Variants in UFL1 observed in about 807,000 individuals in gnomAD.
UFL1 encodes E3 UFM1-protein ligase 1.
Under a neutral mutation model 99.3 loss-of-function variants are expected in UFL1, and 78 were observed. The observed-to-expected ratio is 0.79, with a 90% CI of 0.65 to 0.95. The LOEUF (loss-of-function observed/expected upper bound fraction) is 0.95. UFL1 is among the 40% of genes least tolerant of loss of function. The pLI, the probability that UFL1 is intolerant of heterozygous loss-of-function variation, is 0.00. For synonymous variants in UFL1, 335 were observed against 322.2 expected, an observed-to-expected ratio of 1.04 and a Z score of -0.42; for missense variants, 936 against 937.0, an observed-to-expected ratio of 1.00 and a Z score of 0.01.
At chr6:96,522,081 C>A in intron 1 of UFL1, 131 bp downstream of exon 1, 1 of 1,077,046 alleles carries the variant, frequency 9.3e-7, no homozygotes, top group Non-Finnish European at 1.3e-6. Flanking sequence ...TCTCCTCCTC[C>A]CTCTGTCCCG....
At chr6:96,552,773 A>C in intron 18 of UFL1, 111 bp downstream of exon 18, 1 of 981,828 alleles carries the variant, frequency 1.0e-6, no homozygotes, top group Non-Finnish European at 1.4e-6. Context: ...ATTAACATCA[A>C]AGCCCATTTC....
intron 10 of UFL1, among the ~76,000 whole-genome samples, chr6:96,539,982 G>C (rs1480870794): frequency 1.3e-5 from 2 of 151,438 alleles, no homozygotes; most frequent in African/African-American, 4.8e-5. Context: ...CCATCAGAAA[G>C]AACCAGTATC....
At chr6:96,535,432 C>T (rs756711664) in intron 7 of UFL1, among the ~76,000 whole-genome samples, 3 of 151,934 alleles carry the variant, frequency 2.0e-5, no homozygotes, top group African/African-American at 4.8e-5. Flanking sequence ...CTATTAATGG[C>T]AGCACCTTCC....
At chr6:96,548,922 TAATATA>T (rs1235103878) in intron 13 of UFL1, among the ~76,000 whole-genome samples, 1 of 151,758 alleles carries the variant, frequency 6.6e-6, no homozygotes, top group Non-Finnish European at 1.5e-5. Context: ...ATAATTTTTT[TAATATA>T]AATATTTTTT....
intron 11 of UFL1, among the ~76,000 whole-genome samples, chr6:96,542,354 C>T (rs1769943038): frequency 6.6e-6 from 1 of 151,224 alleles, no homozygotes; most frequent in African/African-American, 2.4e-5. Flanking sequence ...ACATTAATGA[C>T]ACAATGATCC....
Position 96,549,741 on chromosome 6 carries a change from A to G in UFL1, c.1760A>G (p.Asn587Ser), listed in dbSNP as rs778090533. 12 of 1,612,030 alleles carry G rather than the reference A, an allele frequency of 7.4e-6. No homozygotes were observed. The Middle Eastern group carries it at 1.2e-3, about 155-fold the overall frequency. The stretch of plus-strand genomic sequence containing the variant: ...ACTGATATCACTAACCTCATTTTCA[A>G]CTTCTTAGCTTCGGATTTAATGATG... ...VCTDITNLIFNFLASDLMMAV... is the reference protein window; with the variant it reads ...VCTDITNLIFSFLASDLMMAV... The change falls in exon 15 of 19, where the codon AAC (asparagine) becomes AGC (serine). Residue 587 changes from asparagine to serine, a missense_variant. By Grantham distance (46) the Asn-to-Ser change is conservative. Coordinates refer to ENST00000369278, the MANE Select transcript of UFL1 (RefSeq NM_015323.5).
In UFL1 at chr6:96,526,524, C is replaced by A; in HGVS notation, c.465+89C>A. 4 of 992,240 alleles carry A rather than the reference C, an allele frequency of 4.0e-6. No individual in the cohort carries two copies. The East Asian group carries it at 7.6e-5, about 19-fold the overall frequency. 61.5% of individuals were successfully genotyped at this position (992,240 alleles called of 1,614,324 possible). The stretch of plus-strand genomic sequence containing the variant: ...ATGGAAGGGGGAAAAAAAAATGAGA[C>A]TTCCTCACCATCATTTGATTTATTG... On this transcript the variant is annotated intron_variant, in intron 5 of 18. Transcript: ENST00000369278.
rs759037996 is a variant in UFL1 at position 96,549,822 on chromosome 6, A to G, written c.1818+23A>G. On this transcript the variant is annotated intron_variant, in intron 15 of 18. Coordinates refer to ENST00000369278, the MANE Select transcript of UFL1 (RefSeq NM_015323.5). Reference sequence around the variant, plus strand: ...GAAGTATGTTAATGATCTCCCTACCACTATTGATGTGTTCTGTTTTGCATC... The same window carrying G: ...GAAGTATGTTAATGATCTCCCTACCGCTATTGATGTGTTCTGTTTTGCATC... 5 of 1,607,498 alleles carry G rather than the reference A, an allele frequency of 3.1e-6. No homozygotes were observed. The African/African-American group carries it at 4.0e-5, about 13-fold the overall frequency.
At chr6:96,537,937 A>G (rs1769876061) in intron 9 of UFL1, among the ~76,000 whole-genome samples, 1 of 151,878 alleles carries the variant, frequency 6.6e-6, no homozygotes, top group Non-Finnish European at 1.5e-5. Flanking sequence ...CTTGGCACGG[A>G]TAGTGTTTAC....
intron 4 of UFL1, 76 bp from the exon 5 acceptor site, chr6:96,526,245 A>T: frequency 7.9e-7 from 1 of 1,269,548 alleles, no homozygotes. Flanking sequence ...TTTCAACGGA[A>T]ATTAAACATA....
chr6:96,552,843 T>C (rs1770102070), intron 18 of UFL1, among the ~76,000 whole-genome samples, 181 bp downstream of exon 18: 2 of 152,040 alleles, frequency 1.3e-5, no homozygotes, highest in African/African-American at 4.8e-5. Context: ...AGCTCAAGAA[T>C]CTTTCAAGAA....
At chr6:96,544,866 T>C (rs1769979004) in intron 12 of UFL1, among the ~76,000 whole-genome samples, 1 of 151,006 alleles carries the variant, frequency 6.6e-6, no homozygotes, top group Non-Finnish European at 1.5e-5. Flanking sequence ...TAGATTATTA[T>C]TGAAAGGAGC....
At chr6:96,535,839 T>C (rs1278067692) in intron 7 of UFL1, among the ~76,000 whole-genome samples, 3 of 152,080 alleles carry the variant, frequency 2.0e-5, no homozygotes, top group African/African-American at 7.2e-5. Flanking sequence ...TTTTTAAATA[T>C]TAAAAAACGG....
intron 10 of UFL1, among the ~76,000 whole-genome samples, chr6:96,539,401 G>T (rs1452515154): frequency 6.6e-6 from 1 of 151,476 alleles, no homozygotes. Context: ...GGTAAAATAG[G>T]CCCATTTATT....
intron 13 of UFL1, 99 bp downstream of exon 13, chr6:96,548,380 T>C: frequency 1.4e-6 from 1 of 737,924 alleles, no homozygotes; most frequent in Non-Finnish European, 2.1e-6. Flanking sequence ...GTATTAGATA[T>C]TTTCATTTCA....
rs148081377 is a variant in UFL1 at position 96,521,893 on chromosome 6, A to G, written c.20A>G (p.Glu7Gly). 142 of 1,612,600 alleles carry G rather than the reference A, an allele frequency of 8.8e-5. No homozygotes were observed. The highest frequency in any genetic ancestry group is 1.1e-4 in the Non-Finnish European group (135 of 1,179,636). Residue 7 changes from glutamate to glycine, a missense_variant, in exon 1 of 19, where the codon GAG becomes GGG. By Grantham distance (98) the Glu-to-Gly change is moderately conservative. Coordinates refer to ENST00000369278, the MANE Select transcript of UFL1 (RefSeq NM_015323.5). Reference protein sequence around the residue: MADAWEEIRRLAADFQR... With the variant: MADAWEGIRRLAADFQR... ...GCCGTGATGGCGGACGCCTGGGAAGAGATTAGGCGGTTGGCGGCCGACTTC... is the reference window on the plus strand; with the variant it reads ...GCCGTGATGGCGGACGCCTGGGAAGGGATTAGGCGGTTGGCGGCCGACTTC...
chr6:96,537,330 C>T, intron 8 of UFL1, 44 bp from the exon 9 acceptor site: 1 of 1,478,070 alleles, frequency 6.8e-7, no homozygotes, highest in Non-Finnish European at 9.0e-7. Context: ...TTTTGTCTTA[C>T]ATGTAATTGA....
intron 6 of UFL1, among the ~76,000 whole-genome samples, chr6:96,531,825 G>A (rs1344259513): frequency 6.6e-6 from 1 of 152,002 alleles, no homozygotes; most frequent in Non-Finnish European, 1.5e-5. Context: ...GCTATATGGA[G>A]GTACCATCAA....
chr6:96,545,345 A>G (rs528572599), intron 12 of UFL1, among the ~76,000 whole-genome samples: 116 of 151,304 alleles, frequency 7.7e-4, no homozygotes, highest in Admixed American at 1.5e-3. Flanking sequence ...TTTCCTAAGT[A>G]AATGGGTAGG....
Sources: allele counts gnomAD v4.1 joint callset (sites outside exome capture counted in the v4.1 genomes callset), GRCh38; gene constraint gnomAD v4.1.1; transcripts MANE v1.5; gene names NCBI Gene and HGNC (gene_info 2026-07-23, HGNC 2026-07-21).